Variants in PPP1R3A observed in about 807,000 individuals in gnomAD.
The protein encoded by PPP1R3A is protein phosphatase 1 regulatory subunit 3A, also known as RG1.
PPP1R3A carries 29 observed loss-of-function variants against 41.7 expected under a neutral mutation model. The observed-to-expected ratio is 0.70, with a 90% CI of 0.52 to 0.95. The LOEUF (loss-of-function observed/expected upper bound fraction) is 0.95. Ranked by LOEUF, PPP1R3A falls within the 40% of genes least tolerant of loss-of-function variation. The pLI, the probability that PPP1R3A is intolerant of heterozygous loss-of-function variation, is 0.00. For missense variants in PPP1R3A, 1,352 were observed against 1,292.4 expected, an observed-to-expected ratio of 1.05 and a Z score of -0.71; for synonymous variants, 485 against 453.4, an observed-to-expected ratio of 1.07 and a Z score of -0.89.
chr7:113,881,245 A>G (rs1420954476), intron 3 of PPP1R3A, among the ~76,000 whole-genome samples: 1 of 151,998 alleles, frequency 6.6e-6, no homozygotes, highest in East Asian at 1.9e-4. Context: ...GATGAGCTCT[A>G]TTTCTTTCCT....
intron 1 of PPP1R3A, among the ~76,000 whole-genome samples, chr7:113,914,508 T>G (rs935099789): frequency 6.6e-6 from 1 of 152,162 alleles, no homozygotes; most frequent in Non-Finnish European, 1.5e-5. Flanking sequence ...TCAGTTAGTC[T>G]TCCTTGTTGA....
At chr7:113,881,326 A>T (rs1445798462) in intron 3 of PPP1R3A, among the ~76,000 whole-genome samples, 2 of 152,068 alleles carry the variant, frequency 1.3e-5, no homozygotes, top group South Asian at 4.1e-4. Flanking sequence ...ATGTATTCCA[A>T]TGATATGAGC....
intron 1 of PPP1R3A, among the ~76,000 whole-genome samples, chr7:113,912,619 G>C (rs1043980830): frequency 2.0e-5 from 3 of 152,116 alleles, no homozygotes; most frequent in African/African-American, 7.2e-5. Flanking sequence ...GAATAGGGAT[G>C]AGAGTCACAG....
At chr7:113,885,899 AT>A (rs1358573837) in intron 1 of PPP1R3A, among the ~76,000 whole-genome samples, 3 of 148,628 alleles carry the variant, frequency 2.0e-5, no homozygotes, top group Admixed American at 6.7e-5. Flanking sequence ...TAAATATTAT[AT>A]ATAGGTATAT....
At chr7:113,900,695 GATTT>G (rs1490924388) in intron 1 of PPP1R3A, among the ~76,000 whole-genome samples, 2 of 147,506 alleles carry the variant, frequency 1.4e-5, no homozygotes, top group Non-Finnish European at 3.0e-5. Flanking sequence ...TATATATAGT[GATTT>G]ATATATATAC....
chr7:113,898,092 TTCA>T (rs1402500070), intron 1 of PPP1R3A, among the ~76,000 whole-genome samples: 59 of 151,954 alleles, frequency 3.9e-4, no homozygotes, highest in African/African-American at 1.4e-3. Context: ...ATGATACCAA[TTCA>T]GAGTAATGTT....
intron 1 of PPP1R3A, among the ~76,000 whole-genome samples, chr7:113,892,454 T>C (rs1174146580): frequency 1.3e-5 from 2 of 152,080 alleles, no homozygotes; most frequent in Non-Finnish European, 2.9e-5. Context: ...ACTCATATAT[T>C]GAAGAAAGGA....
intron 1 of PPP1R3A, among the ~76,000 whole-genome samples, chr7:113,884,011 A>C (rs888180191): frequency 7.9e-5 from 12 of 152,000 alleles, no homozygotes; most frequent in African/African-American, 2.9e-4. Context: ...CTTCAAATTC[A>C]GGGACAAGTA....
chr7:113,879,163 A>G lies in PPP1R3A; in HGVS notation c.1929T>C (p.Ser643=), dbSNP rs750142334. The G allele has an allele frequency of 6.2e-7, 1 of 1,613,670 alleles. No homozygotes were observed. Among genetic ancestry groups the G allele is most frequent in the Non-Finnish European group, 8.5e-7 (1 of 1,179,786 alleles). ...QVEEKSGGIN[S]EDQDNSPQHK... Reference sequence around the variant, plus strand: ...GCTGTGGGCTATTATCCTGATCTTCAGAATTAATCCCACCTGATTTTTCTT... The same window carrying G: ...GCTGTGGGCTATTATCCTGATCTTCGGAATTAATCCCACCTGATTTTTCTT... Residue 643 remains serine (S), a synonymous_variant, in exon 4 of 4, where the codon TCT becomes TCC. Transcript: ENST00000284601.
intron 1 of PPP1R3A, among the ~76,000 whole-genome samples, chr7:113,888,981 A>G (rs951936717): frequency 6.6e-6 from 1 of 152,180 alleles, no homozygotes; most frequent in Admixed American, 6.5e-5. Context: ...AAATATAACA[A>G]TAGTTCCCAG....
chr7:113,883,379 G>C (rs570387031), intron 1 of PPP1R3A, among the ~76,000 whole-genome samples: 5 of 151,914 alleles, frequency 3.3e-5, no homozygotes, highest in Non-Finnish European at 7.4e-5. Flanking sequence ...TCCCAGGAAG[G>C]CCAATTTTAT....
At chr7:113,887,844 A>C (rs1796811845) in intron 1 of PPP1R3A, among the ~76,000 whole-genome samples, 1 of 152,250 alleles carries the variant, frequency 6.6e-6, no homozygotes, top group South Asian at 2.1e-4. Flanking sequence ...AGCCTGGCCA[A>C]CATAATGAAA....
chr7:113,907,248 A>G (rs1015371727), intron 1 of PPP1R3A, among the ~76,000 whole-genome samples: 3 of 151,928 alleles, frequency 2.0e-5, no homozygotes, highest in East Asian at 3.9e-4. Context: ...CCCTATTACA[A>G]TCACATTGTA....
At chr7:113,885,811 G>A (rs915324435) in intron 1 of PPP1R3A, among the ~76,000 whole-genome samples, 4 of 147,632 alleles carry the variant, frequency 2.7e-5, no homozygotes, top group East Asian at 2.0e-4. Flanking sequence ...ATATGTAAAC[G>A]ACCCTTGCCA....
In PPP1R3A at chr7:113,879,456, C is replaced by A; in HGVS notation, c.1636G>T (p.Gly546Cys). 6.2e-7 allele frequency: 1 copy of A among 1,613,450 alleles called. No homozygotes were observed. Among genetic ancestry groups the A allele is most frequent in the East Asian group, 2.2e-5 (1 of 44,826 alleles). The stretch of plus-strand genomic sequence containing the variant: ...CCTGCCACACTTATTTTAGGGTTAC[C>A]CATCTTCCTTTCTTGGTCATGTAAG... ...TILHDQERKM[G>C]NPKISVAGIG... Residue 546 changes from glycine (G) to cysteine (C), a missense_variant, in exon 4 of 4, where the codon GGT (glycine) becomes TGT (cysteine). Coordinates refer to ENST00000284601, the MANE Select transcript of PPP1R3A (RefSeq NM_002711.4).
In PPP1R3A at chr7:113,918,946, T is replaced by A. The variant is rs762154976; in HGVS notation, c.51A>T (p.Glu17Asp). 15 of 1,612,882 alleles carry A rather than the reference T, an allele frequency of 9.3e-6. No homozygotes were observed. The East Asian group carries it at 3.3e-4, about 36-fold the overall frequency. The part of the protein sequence containing the change: ...PSQISKDNFL[E>D]VPNLSDSLCE... ...AAAGAGAGTCAGATAAATTAGGAAC[T>A]TCTAAAAAATTATCTTTGCTAATCT... Residue 17 changes from glutamate to aspartate, a missense_variant, in exon 1 of 4, where the codon GAA becomes GAT. Coordinates refer to ENST00000284601, the MANE Select transcript of PPP1R3A (RefSeq NM_002711.4).
intron 1 of PPP1R3A, among the ~76,000 whole-genome samples, chr7:113,908,862 C>T (rs1797190555): frequency 6.6e-6 from 1 of 151,862 alleles, no homozygotes; most frequent in African/African-American, 2.4e-5. Context: ...ACCTGGAGGC[C>T]ATTATCCTAA....
intron 1 of PPP1R3A, among the ~76,000 whole-genome samples, chr7:113,896,131 G>A (rs1385335649): frequency 1.3e-5 from 2 of 151,822 alleles, no homozygotes; most frequent in East Asian, 3.9e-4. Flanking sequence ...GTGCAGACGC[G>A]TGACTTCTTA....
intron 1 of PPP1R3A, among the ~76,000 whole-genome samples, chr7:113,905,233 A>G (rs573333533): frequency 6.6e-6 from 1 of 151,832 alleles, no homozygotes; most frequent in South Asian, 2.1e-4. Flanking sequence ...TTCCTAAAAT[A>G]TGTTTCCAAT....
Sources: allele counts gnomAD v4.1 joint callset (sites outside exome capture counted in the v4.1 genomes callset), GRCh38; gene constraint gnomAD v4.1.1; transcripts MANE v1.5; gene names NCBI Gene and HGNC (gene_info 2026-07-23, HGNC 2026-07-21).